KLF8: variants seen among roughly 807,000 people sequenced by gnomAD.
The protein encoded by KLF8 is KLF transcription factor 8, also known as Krueppel-like factor 8.
Under a neutral mutation model 18.2 loss-of-function variants are expected in KLF8, and 10 were observed. That is an observed-to-expected ratio of 0.55 (90% CI 0.34 to 0.93). The LOEUF is 0.93. KLF8 is among the 40% of genes least tolerant of loss of function. The pLI is 0.02. For synonymous variants in KLF8, 109 were observed against 97.3 expected (o/e 1.12, Z -0.71); for missense variants, 264 against 277.9 (o/e 0.95, Z 0.36).
intron 2 of KLF8, among the ~76,000 whole-genome samples, chrX:56,264,354 TTTTTTAAACTAATAAATGTATTTATTGG>T (rs1213505020): frequency 4.7e-4 from 52 of 110,704 alleles, no homozygotes; most frequent in African/African-American, 1.6e-3. Flanking sequence ...TATTTATTGG[TTTTTTAAACTAATAAATGTATTTATTGG>T]TTTTTTAAAC....
chrX:56,158,919 C>G, the KLF8 span, among the ~76,000 whole-genome samples: 1 of 111,388 alleles, frequency 9.0e-6, no homozygotes, highest in Non-Finnish European at 1.9e-5. Context: ...ACTTCCAACA[C>G]TATGTTGAAT....
chrX:55,999,209 T>A, the KLF8 span, among the ~76,000 whole-genome samples: 1 of 108,711 alleles, frequency 9.2e-6, no homozygotes, highest in Non-Finnish European at 1.9e-5. Flanking sequence ...CGGGGGTATT[T>A]TATTTCACTA....
chrX:55,942,157 C>T, the KLF8 span, among the ~76,000 whole-genome samples: 3,097 of 111,273 alleles, frequency 0.028, 130 homozygotes, highest in African/African-American at 0.096. Context: ...GAAAATGTGG[C>T]ACATATACAC....
intron 3 of KLF8, 46 bp from the exon 4 acceptor site, chrX:56,269,332 G>A: frequency 8.7e-7 from 1 of 1,147,390 alleles, no homozygotes; most frequent in Non-Finnish European, 1.2e-6. Flanking sequence ...TGATTAAAGA[G>A]GCACATACAT....
chrX:56,188,251 G>T, the KLF8 span, among the ~76,000 whole-genome samples: 1 of 111,304 alleles, frequency 9.0e-6, no homozygotes, highest in South Asian at 3.8e-4. Context: ...GCCAAATCAT[G>T]AGTGAACTCC....
the KLF8 span, among the ~76,000 whole-genome samples, chrX:56,001,840 C>A: frequency 8.9e-6 from 1 of 112,101 alleles, no homozygotes; most frequent in Admixed American, 9.5e-5. Flanking sequence ...CTAGTGGTTT[C>A]TTTACTAACC....
At chrX:55,988,263 T>C in the KLF8 span, among the ~76,000 whole-genome samples, 5 of 111,089 alleles carry the variant, frequency 4.5e-5, no homozygotes, top group African/African-American at 1.6e-4. Context: ...GTTTTAGACA[T>C]GAAGTCCTTG....
At chrX:55,938,325 GA>G in the KLF8 span, among the ~76,000 whole-genome samples, 1 of 111,481 alleles carries the variant, frequency 9.0e-6, no homozygotes, top group African/African-American at 3.3e-5. Flanking sequence ...AGCAAATGCT[GA>G]GAGATTTTGT....
the KLF8 span, among the ~76,000 whole-genome samples, chrX:56,158,556 T>C: frequency 8.9e-6 from 1 of 111,753 alleles, no homozygotes; most frequent in African/African-American, 3.2e-5. Context: ...TGTATCCTCT[T>C]TTATTTCCTT....
chrX:56,069,770 C>G, the KLF8 span, among the ~76,000 whole-genome samples: 1 of 111,957 alleles, frequency 8.9e-6, no homozygotes, highest in Non-Finnish European at 1.9e-5. Context: ...GCAGTCTTGC[C>G]CGGCTTCCTG....
chrX:56,238,081 GACACA>G (rs934152532), intron 1 of KLF8, among the ~76,000 whole-genome samples: 2 of 111,485 alleles, frequency 1.8e-5, no homozygotes, highest in Non-Finnish European at 3.8e-5. Flanking sequence ...TTGGAGAGTG[GACACA>G]ACACAAGTCA....
the KLF8 span, among the ~76,000 whole-genome samples, chrX:55,986,688 A>G: frequency 8.9e-6 from 1 of 111,872 alleles, no homozygotes; most frequent in Non-Finnish European, 1.9e-5. Flanking sequence ...TAATGAGATT[A>G]TTTGATTTTT....
the KLF8 span, among the ~76,000 whole-genome samples, chrX:56,166,490 T>G: frequency 2.7e-5 from 3 of 111,996 alleles, no homozygotes; most frequent in Non-Finnish European, 5.6e-5. Flanking sequence ...CATGGGCCCC[T>G]GAAAGTATCT....
At chrX:55,923,379 A>G in the KLF8 span, among the ~76,000 whole-genome samples, 2 of 110,733 alleles carry the variant, frequency 1.8e-5, no homozygotes, top group African/African-American at 3.3e-5. Context: ...AGAATATTGA[A>G]TGAATCCTGG....
At chrX:56,218,547 G>A in the KLF8 span, among the ~76,000 whole-genome samples, 1 of 111,639 alleles carries the variant, frequency 9.0e-6, no homozygotes, top group Non-Finnish European at 1.9e-5. Flanking sequence ...AATATATTAT[G>A]ACAGTCAAAG....
At chrX:55,954,122 A>T in the KLF8 span, among the ~76,000 whole-genome samples, 1 of 110,620 alleles carries the variant, frequency 9.0e-6, no homozygotes, top group African/African-American at 3.3e-5. Flanking sequence ...AAGACAGATA[A>T]CCCAATTAAA....
the KLF8 span, among the ~76,000 whole-genome samples, chrX:56,188,543 A>C: frequency 1.8e-5 from 2 of 112,022 alleles, no homozygotes; most frequent in African/African-American, 3.3e-5. Flanking sequence ...ATGGAACCAA[A>C]AAAGAGACGC....
the KLF8 span, among the ~76,000 whole-genome samples, chrX:56,011,488 T>G: frequency 4.5e-5 from 5 of 111,896 alleles, no homozygotes; most frequent in Non-Finnish European, 7.5e-5. Flanking sequence ...TAACACTGAA[T>G]GCCCACATCA....
chrX:56,178,404 T>C, the KLF8 span, among the ~76,000 whole-genome samples: 2 of 112,340 alleles, frequency 1.8e-5, no homozygotes, highest in Non-Finnish European at 3.8e-5. Flanking sequence ...CATGGGTAGA[T>C]TGCAAAAACT....
Sources: allele counts gnomAD v4.1 joint callset (sites outside exome capture counted in the v4.1 genomes callset), GRCh38; gene constraint gnomAD v4.1.1; transcripts MANE v1.5; gene names NCBI Gene and HGNC (gene_info 2026-07-23, HGNC 2026-07-21).